Variants in FRMD4A observed in about 807,000 individuals in gnomAD.
FRMD4A encodes the protein FERM domain containing 4A.
A neutral mutation model predicts 129.1 loss-of-function variants in FRMD4A; 29 were observed. The observed-to-expected ratio is 0.22, with a 90% CI of 0.17 to 0.31. The LOEUF (loss-of-function observed/expected upper bound fraction) is 0.31, where lower values mean the gene tolerates loss of function less well. Among genes scored for constraint, FRMD4A ranks in the 10% least tolerant of loss-of-function variants. The pLI is 1.00. For synonymous variants in FRMD4A, 634 were observed against 571.6 expected, an observed-to-expected ratio of 1.11 and a Z score of -1.56; for missense variants, 1,272 against 1,375.8, an observed-to-expected ratio of 0.92 and a Z score of 1.19.
At chr10:13,775,285 C>G (rs957048971) in intron 6 of FRMD4A, among the ~76,000 whole-genome samples, 2 of 152,218 alleles carry the variant, frequency 1.3e-5, no homozygotes, top group African/African-American at 4.8e-5. Context: ...CATCAGGGCA[C>G]CCATCCTGAA....
intron 2 of FRMD4A, among the ~76,000 whole-genome samples, chr10:14,111,748 T>C (rs1487263964): frequency 1.3e-5 from 2 of 151,848 alleles, no homozygotes; most frequent in East Asian, 1.9e-4. Context: ...ATTAGGTAAA[T>C]ATATTTTTGA....
rs1589323639 is a variant in FRMD4A, at chr10:14,329,987, G to GCAGC, written c.45+67_45+70dup. 2.1e-6 allele frequency: 3 copies of GCAGC among 1,404,788 alleles called. No homozygotes were observed. In the East Asian group the frequency reaches 7.5e-5, roughly 35 times the overall value. 87.0% of individuals were successfully genotyped at this position (1,404,788 alleles called of 1,614,324 possible). A position where few individuals can be genotyped will look rare whatever the true frequency, so the allele number is the denominator to read the frequency against. Reference sequence around the variant, plus strand: ...CATGTCTGCAGCCACTGCAGCGGCAGCAGCAGCCCACGGTGCAGGGGAGGC... The same window carrying GCAGC: ...CATGTCTGCAGCCACTGCAGCGGCAGCAGCCAGCAGCCCACGGTGCAGGGGAGGC... On this transcript the variant is annotated intron_variant, in intron 2 of 24. Coordinates refer to ENST00000357447, the MANE Select transcript of FRMD4A (RefSeq NM_018027.5).
intron 8 of FRMD4A, among the ~76,000 whole-genome samples, chr10:13,761,019 G>C (rs1020999761): frequency 1.3e-5 from 2 of 151,954 alleles, no homozygotes; most frequent in Non-Finnish European, 2.9e-5. Context: ...GCGATTTCAG[G>C]GCAATTTCAG....
At chr10:13,980,495 T>A (rs2095556815) in intron 2 of FRMD4A, among the ~76,000 whole-genome samples, 1 of 152,196 alleles carries the variant, frequency 6.6e-6, no homozygotes, top group South Asian at 2.1e-4. Context: ...TTTGGGACAC[T>A]GAGGCTGGAA....
chr10:13,705,374 G>C (rs554089913), intron 13 of FRMD4A, among the ~76,000 whole-genome samples: 1 of 152,268 alleles, frequency 6.6e-6, no homozygotes, highest in Admixed American at 6.5e-5. Flanking sequence ...AGATATATGC[G>C]TGCGTGGTTA....
intron 2 of FRMD4A, among the ~76,000 whole-genome samples, chr10:13,951,630 C>T (rs983254499): frequency 1.3e-4 from 20 of 152,072 alleles, no homozygotes; most frequent in Non-Finnish European, 2.1e-4. Context: ...TGGCTCATGC[C>T]TGTAATCCCT....
Position 14,127,994 on chromosome 10 carries a change from CTCTCTCTTTCTT to C in FRMD4A, c.45+202052_45+202063del, listed in dbSNP as rs879922669. Among the ~76,000 whole-genome samples the C allele has an allele frequency of 1.8e-4, 20 of 113,118 alleles. 1 individual carries two copies. Among genetic ancestry groups the C allele is most frequent in the South Asian group, 5.5e-4 (2 of 3,642 alleles). The allele number at this position is 113,118 out of a possible 152,430, so 74.2% of individuals were successfully genotyped here. A position where few individuals can be genotyped will look rare whatever the true frequency, so the allele number is the denominator to read the frequency against. On this transcript the variant is annotated intron_variant, in intron 2 of 24. Coordinates refer to ENST00000357447, the MANE Select transcript of FRMD4A (RefSeq NM_018027.5). ...TCTTTCTTTCCTTCTCTCTCTCTCT[CTCTCTCTTTCTT>C]TCTTTCTTCCTTCCTTCCTTCCTTC...
intron 2 of FRMD4A, among the ~76,000 whole-genome samples, chr10:14,137,697 G>A (rs56333531): frequency 0.25 from 38,006 of 151,822 alleles, 5,673 homozygotes; most frequent in East Asian, 0.56. Flanking sequence ...TTCATACCCC[G>A]CAACCATCTC....
At chr10:13,691,045 T>C (rs1239287991) in intron 15 of FRMD4A, among the ~76,000 whole-genome samples, 1 of 152,168 alleles carries the variant, frequency 6.6e-6, no homozygotes, top group African/African-American at 2.4e-5. Flanking sequence ...TGGAGTACAG[T>C]AGCATCATCT....
chr10:14,306,382 A>C (rs985896667), intron 2 of FRMD4A, among the ~76,000 whole-genome samples: 1 of 152,262 alleles, frequency 6.6e-6, no homozygotes, highest in Non-Finnish European at 1.5e-5. Context: ...GTAAAAGTTT[A>C]CCCGAGAGAA....
chr10:13,827,651 C>A (rs939180688), intron 3 of FRMD4A, among the ~76,000 whole-genome samples: 1 of 152,172 alleles, frequency 6.6e-6, no homozygotes, highest in Non-Finnish European at 1.5e-5. Context: ...CAGAAAATCA[C>A]GGTCAAGAAA....
Position 13,698,003 on chromosome 10 carries a change from A to G in FRMD4A, c.975+3337T>C, listed in dbSNP as rs1388983518. On this transcript the variant is annotated intron_variant, in intron 14 of 24. Transcript: ENST00000357447. Reference sequence around the variant, plus strand: ...TGCAGCTTCTCATTCTGAAGGAGCTACAAATAACCAACCAGCACAGCCTCC... The same window carrying G: ...TGCAGCTTCTCATTCTGAAGGAGCTGCAAATAACCAACCAGCACAGCCTCC... Among the ~76,000 whole-genome samples the G allele has an allele frequency of 2.7e-5, 4 of 148,408 alleles. No homozygotes were observed. The East Asian group carries it at 8.6e-4, about 32-fold the overall frequency.
chr10:14,068,477 T>C (rs1380947218), intron 2 of FRMD4A, among the ~76,000 whole-genome samples: 1 of 152,252 alleles, frequency 6.6e-6, no homozygotes, highest in African/African-American at 2.4e-5. Context: ...AGTAAATATT[T>C]ATACTGCTGT....
chr10:13,660,047 T>C (rs1181824094), intron 20 of FRMD4A, among the ~76,000 whole-genome samples: 7 of 152,240 alleles, frequency 4.6e-5, no homozygotes, highest in African/African-American at 1.4e-4. Context: ...ATTTCCTAAT[T>C]AATTCCTCTG....
intron 2 of FRMD4A, among the ~76,000 whole-genome samples, chr10:13,977,811 T>C (rs1487047093): frequency 6.6e-6 from 1 of 152,246 alleles, no homozygotes; most frequent in African/African-American, 2.4e-5. Flanking sequence ...ATCCATATTG[T>C]AGCATGTGCC....
At chr10:13,910,088 T>G (rs997700192) in intron 2 of FRMD4A, among the ~76,000 whole-genome samples, 1 of 152,236 alleles carries the variant, frequency 6.6e-6, no homozygotes, top group Non-Finnish European at 1.5e-5. Flanking sequence ...GGCTTTGTAA[T>G]GTGACTGTGA....
Position 13,660,334 on chromosome 10 carries a change from G to A in FRMD4A, c.1880C>T (p.Ser627Phe), listed in dbSNP as rs564393289. Residue 627 changes from serine to phenylalanine, a missense_variant, in exon 20 of 25, where the codon TCC (serine) becomes TTC (phenylalanine). Transcript: ENST00000357447. ...DEPYEKVKKR[S>F]SHSHSSSHKR... ...AGCTCACCTGGAATGGCTGTGAGAG[G>A]AGCGCTTCTTGACCTTCTCATAGGG... 1.5e-5 allele frequency: 24 copies of A among 1,611,886 alleles called. No individual in the cohort carries two copies. In the East Asian group the frequency reaches 4.9e-4, roughly 33 times the overall value.
intron 24 of FRMD4A, among the ~76,000 whole-genome samples, chr10:13,649,884 A>AAGTC (rs1461330314): frequency 2.6e-5 from 4 of 152,222 alleles, no homozygotes; most frequent in Non-Finnish European, 5.9e-5. Context: ...CTAAAAACCT[A>AAGTC]AGTCAGTCAT....
At chr10:13,977,239 G>T (rs1188195350) in intron 2 of FRMD4A, among the ~76,000 whole-genome samples, 1 of 152,232 alleles carries the variant, frequency 6.6e-6, no homozygotes, top group East Asian at 1.9e-4. Flanking sequence ...CTCTACTTCT[G>T]TGTCACGTAA....
Sources: gnomAD v4.1 joint callset for allele counts (sites outside exome capture counted in the v4.1 genomes callset) on GRCh38, gnomAD v4.1.1 for gene constraint, MANE v1.5 for transcripts, NCBI Gene and HGNC (gene_info 2026-07-23, HGNC 2026-07-21) for gene names.